Variants in TFAP2A observed in about 807,000 individuals in gnomAD.
TFAP2A encodes the protein transcription factor AP-2-alpha.
A neutral mutation model predicts 41.5 loss-of-function variants in TFAP2A; 7 were observed. The ratio of observed to expected loss-of-function variants is 0.17; its 90% CI spans 0.10 to 0.32. The LOEUF (loss-of-function observed/expected upper bound fraction) is 0.32, where lower values mean the gene tolerates loss of function less well. Among genes scored for constraint, TFAP2A ranks in the 10% least tolerant of loss-of-function variants. The pLI is 1.00. For synonymous variants in TFAP2A, 247 were observed against 242.8 expected (o/e 1.02, Z -0.16); for missense variants, 416 against 563.3 (o/e 0.74, Z 2.65).
In TFAP2A at chr6:10,401,498, A is replaced by G. The variant is rs1037572537; in HGVS notation, c.890-909T>C. 3.3e-5 allele frequency among the ~76,000 whole-genome samples: 5 copies of G among 152,380 alleles called. No individual in the cohort carries two copies. The East Asian group carries it at 9.6e-4, about 29-fold the overall frequency. On this transcript the variant is annotated intron_variant, in intron 5 of 6. Coordinates refer to ENST00000379613, the MANE Select transcript of TFAP2A (RefSeq NM_001372066.1). Reference sequence around the variant, plus strand: ...GACATCATCAACAAAGAGAATTCATAGGATTCCTCCTCAAATATATGGTTT... The same window carrying G: ...GACATCATCAACAAAGAGAATTCATGGGATTCCTCCTCAAATATATGGTTT...
At chr6:10,406,541 TTG>T (rs1757721277) in intron 3 of TFAP2A, 4 of 546,162 alleles carry the variant, frequency 7.3e-6, no homozygotes, top group South Asian at 2.1e-5. Flanking sequence ...ACTGTACATT[TTG>T]TGTGTTTGTC....
At chr6:10,419,061 C>A (rs1256808057), upstream of TFAP2A, among the ~76,000 whole-genome samples, 1 of 152,178 alleles carries the variant, frequency 6.6e-6, no homozygotes, top group East Asian at 1.9e-4. Context: ...TCTCCCTCCC[C>A]CCTTCCGAAT....
intron 1 of TFAP2A, chr6:10,414,728 T>TCAAAGTAGGGAAAC (rs1343245038): frequency 2.8e-6 from 2 of 707,306 alleles, no homozygotes; most frequent in East Asian, 5.4e-5. Flanking sequence ...GACACGAGCT[T>TCAAAGTAGGGAAAC]CAAAGTAGGG....
At chr6:10,409,720 C>A in intron 2 of TFAP2A, 181 bp downstream of exon 2, 1 of 697,344 alleles carries the variant, frequency 1.4e-6, no homozygotes, top group Non-Finnish European at 2.4e-6. Flanking sequence ...TGGGGTAGAA[C>A]TCGCAACTAC....
At chr6:10,401,145 T>C (rs1761989095) in intron 5 of TFAP2A, among the ~76,000 whole-genome samples, 1 of 152,214 alleles carries the variant, frequency 6.6e-6, no homozygotes, top group African/African-American at 2.4e-5. Context: ...TTCCTGCCAT[T>C]AGCTCCAGCT....
At position 10,404,602 on chromosome 6, in the gene TFAP2A, T is replaced by C; in HGVS notation, c.676A>G (p.Thr226Ala). The change falls in exon 4 of 7, where the codon ACC becomes GCC. Residue 226 changes from threonine (T) to alanine (A), a missense_variant. Thr to Ala is a moderately conservative substitution (Grantham distance 58, BLOSUM62 0). Coordinates refer to ENST00000379613, the MANE Select transcript of TFAP2A (RefSeq NM_001372066.1). ...VPGRLSLLSS[T>A]SKYKVTVAEV... ...GCCACCGTGACCTTGTACTTCGAGG[T>C]GGAGCTGAGGAGCGAGAGGCGACCC... The C allele has an allele frequency of 6.2e-7, 1 of 1,613,776 alleles. No homozygotes were observed. Among genetic ancestry groups the C allele is most frequent in the South Asian group, 1.1e-5 (1 of 91,020 alleles).
At position 10,408,851 on chromosome 6, in the gene TFAP2A, TGTA is replaced by T. The variant is rs552294343; in HGVS notation, c.486+1047_486+1049del. ...TCTGACCATTTTCCTTACAATCTAA[TGTA>T]GTAATCATTAAACTGTCAACGGACA... On this transcript the variant is annotated intron_variant, in intron 2 of 6. Transcript: ENST00000379613. 1.8e-3 allele frequency among the ~76,000 whole-genome samples: 271 copies of T among 152,352 alleles called. 1 individual carries two copies. Among genetic ancestry groups the T allele is most frequent in the Non-Finnish European group, 3.4e-3 (233 of 68,036 alleles).
In TFAP2A at chr6:10,409,947, C is replaced by T; in HGVS notation, c.440G>A (p.Gly147Glu). The T allele has an allele frequency of 6.4e-7, 1 of 1,562,772 alleles. No homozygotes were observed. The highest frequency in any genetic ancestry group is 8.7e-7 in the Non-Finnish European group (1 of 1,153,404). Reference protein sequence around the residue: ...HGPHALSSGLGDLSIHSLPHA... With the variant: ...HGPHALSSGLEDLSIHSLPHA... ...AGGTAAGGAGTGGATCGAGAGGTCT[C>T]CGAGTCCTGAGCTGAGCGCGTGTGG... The change falls in exon 2 of 7, where the codon GGA becomes GAA. Residue 147 changes from glycine to glutamate, a missense_variant. Gly to Glu is a moderately conservative substitution (Grantham distance 98). This residue lies in a region of TFAP2A where 241 missense variants were observed against 274.1 expected (regional missense o/e 0.88). Coordinates refer to ENST00000379613, the MANE Select transcript of TFAP2A (RefSeq NM_001372066.1).
chr6:10,398,307 C>A lies in TFAP2A; in HGVS notation c.*110G>T. 6.3e-7 allele frequency: 1 copy of A among 1,594,008 alleles called. No homozygotes were observed. Among genetic ancestry groups the A allele is most frequent in the Non-Finnish European group, 8.5e-7 (1 of 1,174,280 alleles). On this transcript the variant is annotated 3_prime_UTR_variant, in exon 7 of 7. Transcript: ENST00000379613. This position sits in a 1 kb window ranked among gnomAD's most constrained non-coding sequence, Gnocchi z 5.3. ...GCGGCGGCGGCGGCGGCAGCAGCAG[C>A]AGCAGTAGCAGCAGCAGGAAGGGTT...
In TFAP2A at chr6:10,398,217, G is replaced by A; in HGVS notation, c.*200C>T. The A allele has an allele frequency of 1.4e-6, 2 of 1,475,088 alleles. No homozygotes were observed. The highest frequency in any genetic ancestry group is 4.5e-5 in the Admixed American group (2 of 44,648). 91.4% of individuals were successfully genotyped at this position (1,475,088 alleles called of 1,614,324 possible). On this transcript the variant is annotated 3_prime_UTR_variant, in exon 7 of 7. Coordinates refer to ENST00000379613, the MANE Select transcript of TFAP2A (RefSeq NM_001372066.1). This position sits in a 1 kb window ranked among gnomAD's most constrained non-coding sequence, Gnocchi z 5.3. ...GGAGGTCGAGGCGGGTGCAGAGTCG[G>A]AGAGGCTGCCCCACTGACAGTCGAG...
chr6:10,414,868 AGAG>A, intron 1 of TFAP2A, 70 bp downstream of exon 1: 6 of 1,596,256 alleles, frequency 3.8e-6, no homozygotes, highest in African/African-American at 1.3e-5. Context: ...GGTTGCAAGG[AGAG>A]GAGGAGGAGA....
At chr6:10,415,901 C>T (rs1051512), upstream of TFAP2A, 2,591 of 152,326 alleles carry the variant, frequency 0.017, 29 homozygotes, top group Non-Finnish European at 0.026. Context: ...TTAATTGCAG[C>T]GTGTAAAATA....
chr6:10,415,083 G>A, upstream of TFAP2A: 3 of 1,612,708 alleles, frequency 1.9e-6, no homozygotes, highest in South Asian at 3.3e-5. Flanking sequence ...CCGGCGGTGA[G>A]CGCAGGAGGA....
At chr6:10,409,405 C>T (rs1757851366) in intron 2 of TFAP2A, 1 of 178,828 alleles carries the variant, frequency 5.6e-6, no homozygotes. Flanking sequence ...AGGGTGTACA[C>T]ATAACTTTTA....
chr6:10,404,660 C>A lies in TFAP2A; in HGVS notation c.618G>T (p.Val206=). Residue 206 remains valine (V), a synonymous_variant, in exon 4 of 7, where the codon GTG becomes GTT. Coordinates refer to ENST00000379613, the MANE Select transcript of TFAP2A (RefSeq NM_001372066.1). ...AACAGAAGACTTCGTTGGGGTTCAC[C>A]ACGCCGCCGAAGAGGTTGTCCTTGT... The part of the protein sequence containing the change: ...PINKDNLFGG[V]VNPNEVFCSV... 6.2e-7 allele frequency: 1 copy of A among 1,614,182 alleles called. No individual in the cohort carries two copies. The highest frequency in any genetic ancestry group is 8.5e-7 in the Non-Finnish European group (1 of 1,180,030).
chr6:10,402,160 G>A (rs1762033696), intron 5 of TFAP2A: 2 of 389,524 alleles, frequency 5.1e-6, no homozygotes, highest in Non-Finnish European at 1.0e-5. Flanking sequence ...AAACGCAGAT[G>A]TCAGAATAAC....
chr6:10,401,591 C>T (rs551923313), intron 5 of TFAP2A, among the ~76,000 whole-genome samples: 1 of 152,286 alleles, frequency 6.6e-6, no homozygotes, highest in African/African-American at 2.4e-5. Flanking sequence ...TCCTCAAATA[C>T]AAGATGTGAA....
At position 10,410,131 on chromosome 6, in the gene TFAP2A, G is replaced by C. The variant is rs1229159576; in HGVS notation, c.256C>G (p.Pro86Ala). 1.9e-6 allele frequency: 3 copies of C among 1,612,446 alleles called. No homozygotes were observed. The highest frequency in any genetic ancestry group is 2.5e-6 in the Non-Finnish European group (3 of 1,179,794). The change falls in exon 2 of 7, where the codon CCC (proline) becomes GCC (alanine). Residue 86 changes from proline (P) to alanine (A), a missense_variant. By Grantham distance (27) the Pro-to-Ala change is conservative. Around this residue, in one of 3 missense-constraint regions of TFAP2A, gnomAD observed 241 missense variants for 274.1 expected, o/e 0.88. Coordinates refer to ENST00000379613, the MANE Select transcript of TFAP2A (RefSeq NM_001372066.1). ...TGCGGCTGCGGCTGGGCGTGCAGGG[G>C]GTTCAGGCTGTAGGGGTCGTTGACG... is the stretch of plus-strand genomic sequence containing the variant. The part of the protein sequence containing the change: ...SHVNDPYSLN[P>A]LHAQPQPQHP...
At chr6:10,401,935 AT>A (rs1762022884) in intron 5 of TFAP2A, 1 of 242,682 alleles carries the variant, frequency 4.1e-6, no homozygotes, top group Non-Finnish European at 8.1e-6. Flanking sequence ...CAATGCTTAT[AT>A]TTATCTTTCC....
Sources: gnomAD v4.1 joint callset for allele counts (sites outside exome capture counted in the v4.1 genomes callset) on GRCh38, gnomAD v4.1.1 for gene constraint, gnomAD v4.1.1 regional missense constraint, Gnocchi (gnomAD v3.1) non-coding constraint, MANE v1.5 for transcripts, NCBI Gene and HGNC (gene_info 2026-07-23, HGNC 2026-07-21) for gene names.